SCAPER: variants seen among roughly 807,000 people sequenced by gnomAD.
SCAPER encodes S phase cyclin A-associated protein in the endoplasmic reticulum.
SCAPER carries 98 observed loss-of-function variants against 182.2 expected under a neutral mutation model. That is an observed-to-expected ratio of 0.54 (90% confidence interval 0.46 to 0.64). The LOEUF (loss-of-function observed/expected upper bound fraction) is 0.64, where lower values mean the gene tolerates loss of function less well. SCAPER is among the 30% of genes least tolerant of loss of function. The pLI is 0.00. For synonymous variants in SCAPER, 605 were observed against 564.6 expected (o/e 1.07, Z -1.01); for missense variants, 1,432 against 1,690.0 (o/e 0.85, Z 2.68).
chr15:76,809,030 G>C (rs2066396771), intron 5 of SCAPER, among the ~76,000 whole-genome samples: 1 of 152,132 alleles, frequency 6.6e-6, no homozygotes, highest in South Asian at 2.1e-4. Context: ...ATACTAACAG[G>C]ACTTGGCATA....
chr15:76,718,549 A>G (rs987227500), intron 17 of SCAPER, among the ~76,000 whole-genome samples: 7 of 151,934 alleles, frequency 4.6e-5, no homozygotes, highest in Admixed American at 3.9e-4. Flanking sequence ...GCTGAAGCAC[A>G]AGAATCACTT....
At chr15:76,653,010 A>G (rs889694340) in intron 21 of SCAPER, among the ~76,000 whole-genome samples, 11 of 152,228 alleles carry the variant, frequency 7.2e-5, no homozygotes, top group African/African-American at 2.7e-4. Context: ...GAATTGATAA[A>G]TGACATTAGT....
chr15:76,847,243 A>C (rs1027805065), intron 4 of SCAPER, among the ~76,000 whole-genome samples: 11 of 152,192 alleles, frequency 7.2e-5, no homozygotes, highest in African/African-American at 2.7e-4. Context: ...TGGGTACAAA[A>C]AAATGGAAAG....
intron 22 of SCAPER, among the ~76,000 whole-genome samples, chr15:76,594,143 G>C (rs940562700): frequency 1.7e-5 from 2 of 119,582 alleles, no homozygotes; most frequent in Non-Finnish European, 4.0e-5. Context: ...TGATCTGATG[G>C]AGCTGAAAAA....
At chr15:76,532,434 T>C (rs1314807802) in intron 23 of SCAPER, among the ~76,000 whole-genome samples, 2 of 150,978 alleles carry the variant, frequency 1.3e-5, no homozygotes, top group Non-Finnish European at 2.9e-5. Context: ...ACTCCCGAGC[T>C]CAAATGATCC....
In SCAPER at chr15:76,677,391, G is replaced by A. The variant is rs138901907; in HGVS notation, c.2509-11602C>T. Among the ~76,000 whole-genome samples the A allele has an allele frequency of 3.0e-3, 456 of 152,104 alleles. 1 individual carries two copies. Among genetic ancestry groups the A allele is most frequent in the Non-Finnish European group, 5.2e-3 (353 of 67,954 alleles). The stretch of plus-strand genomic sequence containing the variant: ...AGGAGCACTAAACTGTGAGTCAAGA[G>A]ATCCACACCAAGATAAAGTCTGCAA... On this transcript the variant is annotated intron_variant, in intron 20 of 31. Coordinates refer to ENST00000563290, the MANE Select transcript of SCAPER (RefSeq NM_020843.4).
intron 26 of SCAPER, among the ~76,000 whole-genome samples, chr15:76,428,425 A>G (rs904083227): frequency 7.9e-5 from 12 of 152,224 alleles, no homozygotes; most frequent in Admixed American, 6.5e-5. Context: ...AGCCATAAAA[A>G]AGAATGCAAT....
At chr15:76,471,146 T>A in intron 25 of SCAPER, 66 bp downstream of exon 25, 1 of 1,323,940 alleles carries the variant, frequency 7.6e-7, no homozygotes, top group Non-Finnish European at 9.8e-7. Context: ...ATTCTTTTAG[T>A]TTTCTCCACA....
rs887975866 is a variant in SCAPER at position 76,611,015 on chromosome 15, A to G, written c.2711+10749T>C. 2.0e-5 allele frequency among the ~76,000 whole-genome samples: 3 copies of G among 151,420 alleles called. No homozygotes were observed. In the East Asian group the frequency reaches 5.8e-4, roughly 29 times the overall value. Reference sequence around the variant, plus strand: ...AAGGCATCACACTTCCTGACTTTAAATTATATTATAAAACTAATCAAAACA... The same window carrying G: ...AAGGCATCACACTTCCTGACTTTAAGTTATATTATAAAACTAATCAAAACA... On this transcript the variant is annotated intron_variant, in intron 22 of 31. Coordinates refer to ENST00000563290, the MANE Select transcript of SCAPER (RefSeq NM_020843.4).
At chr15:76,353,543 T>C (rs1034237259) in intron 30 of SCAPER, among the ~76,000 whole-genome samples, 11 of 152,230 alleles carry the variant, frequency 7.2e-5, no homozygotes, top group African/African-American at 2.7e-4. Flanking sequence ...GAAAATCATA[T>C]TTATTTAAAA....
At chr15:76,904,550 G>C (rs1431248220) in intron 1 of SCAPER, 1 of 152,192 alleles carries the variant, frequency 6.6e-6, no homozygotes, top group Non-Finnish European at 1.5e-5. Context: ...TTGCTTACAG[G>C]ACCAGTTTTG....
chr15:76,890,623 A>G (rs1390934704), intron 1 of SCAPER, among the ~76,000 whole-genome samples: 1 of 152,234 alleles, frequency 6.6e-6, no homozygotes, highest in Non-Finnish European at 1.5e-5. Flanking sequence ...ACCAGGAAGA[A>G]GCTGAATCTC....
intron 1 of SCAPER, chr15:76,904,901 A>T (rs1336609869): frequency 6.6e-6 from 1 of 152,420 alleles, no homozygotes; most frequent in Non-Finnish European, 1.5e-5. Context: ...CCTCGCATTT[A>T]GACATTCCAG....
intron 20 of SCAPER, among the ~76,000 whole-genome samples, chr15:76,700,722 T>C (rs1470829441): frequency 6.6e-6 from 1 of 152,142 alleles, no homozygotes; most frequent in Non-Finnish European, 1.5e-5. Flanking sequence ...ACTATTCAAC[T>C]ACAGACATGT....
chr15:76,756,285 C>T (rs2062429652), intron 14 of SCAPER, among the ~76,000 whole-genome samples: 1 of 144,004 alleles, frequency 6.9e-6, no homozygotes, highest in African/African-American at 2.6e-5. Flanking sequence ...AGACCCAGGG[C>T]AAGAATGATG....
At chr15:76,580,744 A>C (rs891422128) in intron 22 of SCAPER, among the ~76,000 whole-genome samples, 1 of 152,170 alleles carries the variant, frequency 6.6e-6, no homozygotes, top group African/African-American at 2.4e-5. Context: ...CTATAGCTAC[A>C]TCTTAAAGAA....
At chr15:76,732,694 G>A (rs894822739) in intron 16 of SCAPER, among the ~76,000 whole-genome samples, 9 of 152,234 alleles carry the variant, frequency 5.9e-5, no homozygotes, top group African/African-American at 1.9e-4. Context: ...TCTTGTGCCC[G>A]CAGTTATCCT....
At chr15:76,470,385 G>C (rs1011170706) in intron 25 of SCAPER, among the ~76,000 whole-genome samples, 3 of 152,158 alleles carry the variant, frequency 2.0e-5, no homozygotes, top group South Asian at 2.1e-4. Context: ...GGCTGGGGAA[G>C]ATCTCATGAA....
intron 23 of SCAPER, among the ~76,000 whole-genome samples, chr15:76,512,216 CACAA>C (rs140868054): frequency 0.029 from 4,482 of 152,010 alleles, 206 homozygotes; most frequent in African/African-American, 0.097. Flanking sequence ...ACTGCTAAAA[CACAA>C]ACAATAATTT....
Sources: allele counts gnomAD v4.1 joint callset (sites outside exome capture counted in the v4.1 genomes callset), GRCh38; gene constraint gnomAD v4.1.1; transcripts MANE v1.5; gene names NCBI Gene and HGNC (gene_info 2026-07-23, HGNC 2026-07-21).